ANKRD18A: variants seen among roughly 807,000 people sequenced by gnomAD.
ANKRD18A encodes the protein ankyrin repeat domain-containing protein 18A.
A neutral mutation model predicts 110.6 loss-of-function variants in ANKRD18A; 72 were observed. That is an observed-to-expected ratio of 0.65 (90% CI 0.54 to 0.79). ANKRD18A has a LOEUF of 0.79. Ranked by LOEUF, ANKRD18A falls within the 30% of genes least tolerant of loss-of-function variation. The pLI is 0.00. For missense variants in ANKRD18A, 934 were observed against 1,163.3 expected (o/e 0.80, Z 2.87); for synonymous variants, 305 against 410.3 (o/e 0.74, Z 3.10).
At chr9:38,616,823 C>T (rs1825876202) in intron 1 of ANKRD18A, among the ~76,000 whole-genome samples, 1 of 152,074 alleles carries the variant, frequency 6.6e-6, no homozygotes, top group Admixed American at 6.5e-5. Flanking sequence ...ACAATTATTG[C>T]TATTTTGCAG....
rs1825820042 is a variant in ANKRD18A, at chr9:38,615,682, G to A, written c.407C>T (p.Thr136Ile). The change falls in exon 3 of 16, where the codon ACT becomes ATT. Residue 136 changes from threonine (T) to isoleucine (I), a missense_variant. Thr to Ile is a moderately conservative substitution (Grantham distance 89). This residue lies in a region of ANKRD18A where 630 missense variants were observed against 797.5 expected (regional missense o/e 0.79). Transcript: ENST00000399703. The stretch of plus-strand genomic sequence containing the variant: ...ATTATACACGGCATAATGGAGAGCA[G>A]TGTTGCCGTAGATATCCTCAATGTT... ...NPNIEDIYGN[T>I]ALHYAVYNKG... 1.9e-6 allele frequency: 3 copies of A among 1,612,438 alleles called. No individual in the cohort carries two copies. The highest frequency in any genetic ancestry group is 2.5e-6 in the Non-Finnish European group (3 of 1,179,832).
chr9:38,586,274 T>C lies in ANKRD18A; in HGVS notation c.2156A>G (p.Asn719Ser). The C allele has an allele frequency of 6.2e-7, 1 of 1,601,674 alleles. No individual in the cohort carries two copies. Among genetic ancestry groups the C allele is most frequent in the East Asian group, 2.2e-5 (1 of 44,520 alleles). Reference sequence around the variant, plus strand: ...ACTGAAGTCCTCATTTGCAAATGCATTTAACATATTTATTGTCATTTCTAG... The same window carrying C: ...ACTGAAGTCCTCATTTGCAAATGCACTTAACATATTTATTGTCATTTCTAG... ...KCLEMTINMLNAFANEDFSCH... is the reference protein window; with the variant it reads ...KCLEMTINMLSAFANEDFSCH... The change falls in exon 12 of 16, where the codon AAT (asparagine) becomes AGT (serine). Residue 719 changes from asparagine to serine, a missense_variant. This residue lies in a region of ANKRD18A where 79 missense variants were observed against 122.8 expected (regional missense o/e 0.64). Transcript: ENST00000399703.
chr9:38,620,028 G>T, intron 1 of ANKRD18A, 52 bp downstream of exon 1: 3 of 1,542,166 alleles, frequency 1.9e-6, no homozygotes, highest in Middle Eastern at 2.3e-4. Context: ...CCGGGCTGCA[G>T]GGAAGCCGGG....
chr9:38,617,502 G>C (rs1322064546), intron 1 of ANKRD18A, among the ~76,000 whole-genome samples: 1 of 152,138 alleles, frequency 6.6e-6, no homozygotes, highest in African/African-American at 2.4e-5. Context: ...TCATGATTGA[G>C]ATGAACAGGT....
At chr9:38,585,104 C>G (rs1476806571) in intron 12 of ANKRD18A, among the ~76,000 whole-genome samples, 1 of 152,136 alleles carries the variant, frequency 6.6e-6, no homozygotes, top group Non-Finnish European at 1.5e-5. Context: ...TAATGTAGCC[C>G]AATCTCTCCC....
At chr9:38,590,179 CTCTT>C (rs1347904902) in intron 10 of ANKRD18A, among the ~76,000 whole-genome samples, 9 of 147,546 alleles carry the variant, frequency 6.1e-5, no homozygotes, top group Admixed American at 1.4e-4. Flanking sequence ...CCTTCTTTCT[CTCTT>C]TCTTTCTCTC....
chr9:38,581,644 TA>T (rs1824168967), intron 12 of ANKRD18A, among the ~76,000 whole-genome samples: 2 of 152,200 alleles, frequency 1.3e-5, no homozygotes, highest in Non-Finnish European at 2.9e-5. Flanking sequence ...CTTTGAGTGT[TA>T]AGACATCAAA....
At position 38,620,406 on chromosome 9, in the gene ANKRD18A, ACCCGCGATCCACCCCCAAAT is replaced by A; in HGVS notation, c.-141_-122del. ...CCCGCAACCCGCGATCCCCCCCGCAACCCGCGATCCACCCCCAAATCCAAGATCCACCCCCAAACCCGCAA... is the reference window on the plus strand; with the variant it reads ...CCCGCAACCCGCGATCCCCCCCGCAACCAAGATCCACCCCCAAACCCGCAA... On this transcript the variant is annotated 5_prime_UTR_variant, in exon 1 of 16. Transcript: ENST00000399703. 9.5e-7 allele frequency: 1 copy of A among 1,051,610 alleles called. No homozygotes were observed. Among genetic ancestry groups the A allele is most frequent in the African/African-American group, 2.7e-5 (1 of 37,178 alleles). The allele number at this position is 1,051,610 out of a possible 1,614,324, so 65.1% of individuals were successfully genotyped here.
intron 5 of ANKRD18A, among the ~76,000 whole-genome samples, chr9:38,607,968 C>G (rs1381810622): frequency 4.6e-5 from 7 of 152,100 alleles, no homozygotes; most frequent in Non-Finnish European, 1.0e-4. Context: ...TTGCTGAAAC[C>G]ATTTTGGAAT....
rs529426208 is a variant in ANKRD18A at position 38,581,752 on chromosome 9, C to T, written c.2248-3604G>A. Among the ~76,000 whole-genome samples, 328 of 152,306 alleles carry T rather than the reference C, an allele frequency of 2.2e-3. 1 individual carries two copies. The highest frequency in any genetic ancestry group is 0.02 in the Middle Eastern group (6 of 294). On this transcript the variant is annotated intron_variant, in intron 12 of 15. Coordinates refer to ENST00000399703, the MANE Select transcript of ANKRD18A (RefSeq NM_147195.4). ...TACCGCAATGCTTCTCTATAGCACA[C>T]AACTTGGCTCTGAAATTTTGAAATT...
rs546010333 is a variant in ANKRD18A, at chr9:38,575,540, G to T, written c.2900C>A (p.Thr967Lys). 1 of 1,551,400 alleles carries T rather than the reference G, an allele frequency of 6.4e-7. No homozygotes were observed. Among genetic ancestry groups the T allele is most frequent in the Non-Finnish European group, 8.7e-7 (1 of 1,146,818 alleles). Residue 967 changes from threonine (T) to lysine (K), a missense_variant, in exon 15 of 16, where the codon ACG becomes AAG. By Grantham distance (78) the Thr-to-Lys change is moderately conservative. Around this residue, in one of 4 missense-constraint regions of ANKRD18A, gnomAD observed 223 missense variants for 226.7 expected, o/e 0.98. Coordinates refer to ENST00000399703, the MANE Select transcript of ANKRD18A (RefSeq NM_147195.4). ...GTTTGAAGTAGGAATTCTTATGGCC[G>T]TTTTGGGAATATATTTTCTGTTGAG... ...IELNRKYIPK[T>K]AIRIPTSNPQ...
At position 38,577,328 on chromosome 9, in the gene ANKRD18A, C is replaced by G. The variant is rs941652640; in HGVS notation, c.2530-64G>C. ...TAAGTTAATTACCATAGGTTTGTTGCCTTTCATTTTGAATCAGTGATTCGA... is the reference window on the plus strand; with the variant it reads ...TAAGTTAATTACCATAGGTTTGTTGGCTTTCATTTTGAATCAGTGATTCGA... On this transcript the variant is annotated intron_variant, in intron 13 of 15. Coordinates refer to ENST00000399703, the MANE Select transcript of ANKRD18A (RefSeq NM_147195.4). 3 of 1,459,342 alleles carry G rather than the reference C, an allele frequency of 2.1e-6. No homozygotes were observed. The African/African-American group carries it at 4.3e-5, about 21-fold the overall frequency. 90.4% of individuals were successfully genotyped at this position (1,459,342 alleles called of 1,614,324 possible).
At chr9:38,610,134 T>C in intron 5 of ANKRD18A, 139 bp downstream of exon 5, 1 of 1,190,556 alleles carries the variant, frequency 8.4e-7, no homozygotes, top group Non-Finnish European at 1.1e-6. Context: ...GATTTCTGGC[T>C]AAAAAGTGGA....
chr9:38,571,149 G>A (rs1823626373), downstream of ANKRD18A: 6 of 1,534,458 alleles, frequency 3.9e-6, no homozygotes, highest in African/African-American at 1.4e-5. Flanking sequence ...TGGTTCTTCT[G>A]TTGGGGACTA....
chr9:38,578,764 G>A (rs974792575), intron 12 of ANKRD18A, among the ~76,000 whole-genome samples: 1 of 152,268 alleles, frequency 6.6e-6, no homozygotes, highest in Admixed American at 6.5e-5. Flanking sequence ...CAGGCCTGTA[G>A]ACCCAGCTAG....
chr9:38,576,556 C>T (rs1255074589), intron 14 of ANKRD18A, among the ~76,000 whole-genome samples: 2 of 152,164 alleles, frequency 1.3e-5, no homozygotes, highest in African/African-American at 4.8e-5. Flanking sequence ...CACAAATAGT[C>T]TTTCTTGAGG....
At chr9:38,600,981 T>C in intron 8 of ANKRD18A, 150 bp downstream of exon 8, 2 of 728,368 alleles carry the variant, frequency 2.7e-6, no homozygotes, top group Non-Finnish European at 4.2e-6. Context: ...TATAACAGGC[T>C]AAAATATTTT....
intron 1 of ANKRD18A, among the ~76,000 whole-genome samples, chr9:38,619,576 C>A (rs1356077293): frequency 3.3e-5 from 5 of 152,094 alleles, no homozygotes; most frequent in Non-Finnish European, 5.9e-5. Context: ...AATGATAAAA[C>A]CTTGATATCT....
chr9:38,595,670 T>C lies in ANKRD18A; in HGVS notation c.1670A>G (p.Glu557Gly). ...RQQELENLLL[E>G]RQLEDARKEG... The stretch of plus-strand genomic sequence containing the variant: ...CTTACGAGCATCCTCTAGTTGTCGT[T>C]CAAGCAAGAGATTTTCAAGTTCTTG... The change falls in exon 9 of 16, where the codon GAA (glutamate) becomes GGA (glycine). Residue 557 changes from glutamate to glycine, a missense_variant. Around this residue, in one of 4 missense-constraint regions of ANKRD18A, gnomAD observed 630 missense variants for 797.5 expected, o/e 0.79. Transcript: ENST00000399703. 6.4e-7 allele frequency: 1 copy of C among 1,551,266 alleles called. No homozygotes were observed. The highest frequency in any genetic ancestry group is 8.7e-7 in the Non-Finnish European group (1 of 1,146,686).
Sources: allele counts gnomAD v4.1 joint callset (sites outside exome capture counted in the v4.1 genomes callset), GRCh38; gene constraint gnomAD v4.1.1; regional missense constraint gnomAD v4.1.1; transcripts MANE v1.5; gene names NCBI Gene and HGNC (gene_info 2026-07-23, HGNC 2026-07-21).